Variants in UTS2B observed in about 807,000 individuals in gnomAD.
The protein encoded by UTS2B is urotensin 2B, also known as urotensin-2B.
A neutral mutation model predicts 19.2 loss-of-function variants in UTS2B; 21 were observed. The ratio of observed to expected loss-of-function variants is 1.09; its 90% CI spans 0.78 to 1.58. The LOEUF (loss-of-function observed/expected upper bound fraction) is 1.58, where lower values mean the gene tolerates loss of function less well. Ranked by LOEUF, UTS2B falls within the 40% of genes most tolerant of loss-of-function variation. The probability of loss-of-function intolerance (pLI) is 0.00; values close to 1 mark genes in which losing one functional copy is unlikely to be tolerated. For synonymous variants in UTS2B, 57 were observed against 50.2 expected (o/e 1.14, Z -0.58); for missense variants, 138 against 130.3 (o/e 1.06, Z -0.29).
intron 7 of UTS2B, among the ~76,000 whole-genome samples, chr3:191,276,128 A>G (rs1339724598): frequency 6.6e-6 from 1 of 152,178 alleles, no homozygotes; most frequent in African/African-American, 2.4e-5. Context: ...CCAGAATTCA[A>G]CTTATTTTAA....
At chr3:191,286,896 C>A (rs1416626943) in intron 4 of UTS2B, among the ~76,000 whole-genome samples, 3 of 145,854 alleles carry the variant, frequency 2.1e-5, no homozygotes, top group Non-Finnish European at 4.6e-5. Context: ...AGTGAGAAGA[C>A]AAATAAAATC....
At chr3:191,278,006 C>A in intron 6 of UTS2B, 66 bp downstream of exon 6, 1 of 760,736 alleles carries the variant, frequency 1.3e-6, no homozygotes, top group South Asian at 2.2e-5. Context: ...TTAGAAAAAG[C>A]AAGTCTCAAG....
At chr3:191,292,588 T>G (rs1220564341) in intron 4 of UTS2B, among the ~76,000 whole-genome samples, 1 of 152,206 alleles carries the variant, frequency 6.6e-6, no homozygotes, top group Non-Finnish European at 1.5e-5. Flanking sequence ...TAGAAGATCA[T>G]GTCAACAAAT....
intron 4 of UTS2B, among the ~76,000 whole-genome samples, chr3:191,289,406 C>CTTAATAAA: frequency 1.1e-5 from 1 of 94,844 alleles, no homozygotes; most frequent in African/African-American, 5.2e-5. Context: ...AAGACTCCAT[C>CTTAATAAA]TCAATAAATA....
intron 7 of UTS2B, 80 bp downstream of exon 7, chr3:191,276,727 T>C (rs1716246001): frequency 1.1e-5 from 14 of 1,230,794 alleles, no homozygotes; most frequent in African/African-American, 3.1e-5. Flanking sequence ...TAATAATTTA[T>C]TTTAAAAAAC....
intron 4 of UTS2B, among the ~76,000 whole-genome samples, chr3:191,296,779 C>T (rs1716868734): frequency 6.6e-6 from 1 of 152,136 alleles, no homozygotes; most frequent in Non-Finnish European, 1.5e-5. Flanking sequence ...TTAGGCAGGC[C>T]TGGGAATTTC....
the UTS2B span, among the ~76,000 whole-genome samples, chr3:191,338,460 G>A: frequency 3.1e-4 from 47 of 152,094 alleles, no homozygotes; most frequent in Non-Finnish European, 6.0e-4. Flanking sequence ...TTAATATCTG[G>A]GCCGGTAGCT....
At chr3:191,320,640 C>A (rs10804934) in intron 2 of UTS2B, among the ~76,000 whole-genome samples, 5,760 of 152,188 alleles carry the variant, frequency 0.038, 270 homozygotes, top group East Asian at 0.21. Context: ...GTTTAGACCA[C>A]GGTAGCAGCA....
At chr3:191,326,095 TTCTGTGGGTCCCC>T (rs1433759156) in intron 2 of UTS2B, among the ~76,000 whole-genome samples, 4 of 152,202 alleles carry the variant, frequency 2.6e-5, no homozygotes, top group Non-Finnish European at 5.9e-5. Flanking sequence ...AGAAGTATAG[TTCTGTGGGTCCCC>T]TTTCCTGTTT....
chr3:191,298,612 G>A (rs1204012178), intron 4 of UTS2B, among the ~76,000 whole-genome samples: 1 of 152,170 alleles, frequency 6.6e-6, no homozygotes, highest in Non-Finnish European at 1.5e-5. Context: ...TGTCTCAGAT[G>A]TTTCTTTATA....
intron 3 of UTS2B, among the ~76,000 whole-genome samples, chr3:191,309,004 T>C (rs1404747203): frequency 6.6e-6 from 1 of 152,214 alleles, no homozygotes; most frequent in African/African-American, 2.4e-5. Context: ...TTTGATCCTC[T>C]ATCCTAAAGG....
At chr3:191,289,847 A>T (rs1235064839) in intron 4 of UTS2B, among the ~76,000 whole-genome samples, 1 of 152,214 alleles carries the variant, frequency 6.6e-6, no homozygotes, top group Admixed American at 6.5e-5. Flanking sequence ...TCAGTTAGAT[A>T]GCAGAAGTTA....
At chr3:191,288,832 T>G (rs543675641) in intron 4 of UTS2B, among the ~76,000 whole-genome samples, 1 of 152,244 alleles carries the variant, frequency 6.6e-6, no homozygotes, top group African/African-American at 2.4e-5. Flanking sequence ...ATAAAACTCC[T>G]GCAAAAAAAC....
At chr3:191,279,374 T>TATGAATATA (rs1292350046) in intron 5 of UTS2B, among the ~76,000 whole-genome samples, 1 of 152,066 alleles carries the variant, frequency 6.6e-6, no homozygotes, top group Non-Finnish European at 1.5e-5. Context: ...AAAACATTAT[T>TATGAATATA]ATGAAATAAT....
the UTS2B span, among the ~76,000 whole-genome samples, chr3:191,344,668 T>A: frequency 2.0e-5 from 3 of 152,190 alleles, no homozygotes; most frequent in Non-Finnish European, 4.4e-5. Flanking sequence ...AACCTCTGCC[T>A]CCTGGGTTCA....
intron 8 of UTS2B, among the ~76,000 whole-genome samples, chr3:191,271,200 C>CAAAAAAA (rs66756396): frequency 1.3e-4 from 7 of 52,768 alleles, no homozygotes; most frequent in African/African-American, 3.6e-4. Flanking sequence ...GAGACTCTCT[C>CAAAAAAA]AAAAAAAAAA....
intron 4 of UTS2B, among the ~76,000 whole-genome samples, chr3:191,287,805 A>G (rs1324175997): frequency 2.0e-5 from 3 of 152,066 alleles, no homozygotes; most frequent in Non-Finnish European, 2.9e-5. Flanking sequence ...ACAATTAGAA[A>G]AAAAGAAAGA....
At chr3:191,281,846 G>A (rs942478413) in intron 5 of UTS2B, among the ~76,000 whole-genome samples, 9 of 151,792 alleles carry the variant, frequency 5.9e-5, no homozygotes, top group Non-Finnish European at 1.2e-4. Flanking sequence ...AACTATAGTT[G>A]AAGTGAATTT....
intron 4 of UTS2B, among the ~76,000 whole-genome samples, chr3:191,302,697 G>A (rs1717035068): frequency 6.6e-6 from 1 of 152,218 alleles, no homozygotes; most frequent in African/African-American, 2.4e-5. Context: ...GCTTTGCTAA[G>A]ACATGGAGAT....
Sources: gnomAD v4.1 joint callset for allele counts (sites outside exome capture counted in the v4.1 genomes callset) on GRCh38, gnomAD v4.1.1 for gene constraint, MANE v1.5 for transcripts, NCBI Gene and HGNC (gene_info 2026-07-23, HGNC 2026-07-21) for gene names.